Variants in CAMTA1 observed in about 807,000 individuals in gnomAD.
CAMTA1 encodes the protein calmodulin-binding transcription activator 1.
A neutral mutation model predicts 170.9 loss-of-function variants in CAMTA1; 27 were observed. The observed-to-expected ratio is 0.16, with a 90% CI of 0.12 to 0.22. The LOEUF is 0.22. Ranked by LOEUF, CAMTA1 falls within the 10% of genes least tolerant of loss-of-function variation. The probability of loss-of-function intolerance (pLI) is 1.00; values close to 1 mark genes in which losing one functional copy is unlikely to be tolerated. For missense variants in CAMTA1, 1,619 were observed against 2,217.2 expected, an observed-to-expected ratio of 0.73 and a Z score of 5.42; for synonymous variants, 833 against 891.5, an observed-to-expected ratio of 0.93 and a Z score of 1.17.
At chr1:6,876,482 C>T (rs1403398895) in intron 3 of CAMTA1, among the ~76,000 whole-genome samples, 1 of 152,032 alleles carries the variant, frequency 6.6e-6, no homozygotes, top group Admixed American at 6.5e-5. Flanking sequence ...CCTGCCTCAG[C>T]CTCCAAAGTA....
intron 5 of CAMTA1, among the ~76,000 whole-genome samples, chr1:7,310,671 C>CCTTTCTTT (rs1553129503): frequency 6.0e-5 from 2 of 33,324 alleles, no homozygotes; most frequent in Non-Finnish European, 1.0e-4. Context: ...TTCTTTCTTT[C>CCTTTCTTT]CTTTCTTTCT....
intron 4 of CAMTA1, among the ~76,000 whole-genome samples, chr1:7,202,478 T>A (rs1289142972): frequency 6.6e-6 from 1 of 152,152 alleles, no homozygotes; most frequent in African/African-American, 2.4e-5. Context: ...GTTTGGAGAG[T>A]ACTGATATCT....
chr1:7,004,540 CTGTT>C (rs1402868005), intron 3 of CAMTA1, among the ~76,000 whole-genome samples: 1 of 152,020 alleles, frequency 6.6e-6, no homozygotes, highest in Non-Finnish European at 1.5e-5. Flanking sequence ...AATTTCAAGT[CTGTT>C]TGTTGTGAAA....
chr1:7,076,765 T>A (rs1223026291), intron 3 of CAMTA1, among the ~76,000 whole-genome samples: 1 of 152,166 alleles, frequency 6.6e-6, no homozygotes, highest in Non-Finnish European at 1.5e-5. Flanking sequence ...TTCTGAGTCA[T>A]GTGTCAGCTA....
At chr1:7,584,832 T>G (rs530745385) in intron 6 of CAMTA1, among the ~76,000 whole-genome samples, 3 of 152,144 alleles carry the variant, frequency 2.0e-5, no homozygotes, top group African/African-American at 7.2e-5. Flanking sequence ...TAGTGGCATC[T>G]GGTGGGTGGA....
At chr1:7,611,240 A>C (rs2095521952) in intron 6 of CAMTA1, among the ~76,000 whole-genome samples, 1 of 152,096 alleles carries the variant, frequency 6.6e-6, no homozygotes, top group South Asian at 2.1e-4. Flanking sequence ...GTCTGTGTTT[A>C]TTTATCACGT....
At chr1:6,870,428 A>T (rs1438277672) in intron 3 of CAMTA1, among the ~76,000 whole-genome samples, 1 of 152,200 alleles carries the variant, frequency 6.6e-6, no homozygotes, top group Non-Finnish European at 1.5e-5. Flanking sequence ...TCTGCAAGTT[A>T]TTTTAACAAA....
intron 4 of CAMTA1, among the ~76,000 whole-genome samples, chr1:7,145,388 G>GTTC (rs1002012678): frequency 5.3e-5 from 8 of 152,360 alleles, no homozygotes; most frequent in African/African-American, 1.9e-4. Context: ...TCAATGTGAG[G>GTTC]TTCTATCTTT....
chr1:7,246,194 G>C (rs1228994974), intron 4 of CAMTA1, among the ~76,000 whole-genome samples: 1 of 152,190 alleles, frequency 6.6e-6, no homozygotes, highest in Non-Finnish European at 1.5e-5. Flanking sequence ...CCAACTCAGC[G>C]TGTATCCTGC....
At chr1:6,870,709 G>A (rs1388430032) in intron 3 of CAMTA1, among the ~76,000 whole-genome samples, 1 of 152,114 alleles carries the variant, frequency 6.6e-6, no homozygotes, top group African/African-American at 2.4e-5. Context: ...TCTTTTTCCT[G>A]GTTATGCTCC....
intron 3 of CAMTA1, among the ~76,000 whole-genome samples, chr1:7,068,978 G>T (rs1322162175): frequency 6.6e-6 from 1 of 152,214 alleles, no homozygotes; most frequent in Non-Finnish European, 1.5e-5. Flanking sequence ...AGAACCCAGG[G>T]ACGGTGGGAG....
chr1:7,114,452 AAC>A (rs1217531103), intron 4 of CAMTA1, among the ~76,000 whole-genome samples: 22 of 151,322 alleles, frequency 1.5e-4, no homozygotes, highest in African/African-American at 5.1e-4. Context: ...AGCCAGAAAA[AAC>A]AAAAAAAAGA....
intron 5 of CAMTA1, among the ~76,000 whole-genome samples, chr1:7,259,366 C>T (rs1388126093): frequency 3.3e-5 from 5 of 152,186 alleles, no homozygotes; most frequent in African/African-American, 1.2e-4. Flanking sequence ...AGTATTGCTT[C>T]TTGCTACCCT....
At chr1:7,337,679 G>T (rs1403110085) in intron 5 of CAMTA1, among the ~76,000 whole-genome samples, 2 of 147,710 alleles carry the variant, frequency 1.4e-5, no homozygotes, top group East Asian at 4.0e-4. Flanking sequence ...TCACAATGTG[G>T]GCGGTGGGCC....
At chr1:7,728,728 C>T (rs181947062) in intron 11 of CAMTA1, among the ~76,000 whole-genome samples, 1 of 152,330 alleles carries the variant, frequency 6.6e-6, no homozygotes, top group East Asian at 1.9e-4. Context: ...TGGAACTGAA[C>T]TCTAACTGAA....
chr1:6,938,735 C>T (rs1685892243), intron 3 of CAMTA1, among the ~76,000 whole-genome samples: 1 of 152,130 alleles, frequency 6.6e-6, no homozygotes, highest in Non-Finnish European at 1.5e-5. Flanking sequence ...TTTTTCTGGC[C>T]TTTCATGATC....
chr1:7,446,096 G>A (rs956708995), intron 5 of CAMTA1, among the ~76,000 whole-genome samples: 22 of 151,254 alleles, frequency 1.5e-4, no homozygotes, highest in African/African-American at 4.4e-4. Flanking sequence ...TCCGCCCGCC[G>A]CTCACCTTGC....
intron 3 of CAMTA1, among the ~76,000 whole-genome samples, chr1:7,026,852 T>A (rs1702090861): frequency 6.6e-6 from 1 of 152,160 alleles, no homozygotes. Flanking sequence ...ATGGTCTCGA[T>A]CCCCTGACCT....
chr1:7,142,659 C>G (rs1214570514), intron 4 of CAMTA1, among the ~76,000 whole-genome samples: 2 of 152,188 alleles, frequency 1.3e-5, no homozygotes, highest in Non-Finnish European at 2.9e-5. Flanking sequence ...TTTAAAAGAG[C>G]CTGGCACATT....
Sources: gnomAD v4.1 joint callset for allele counts (sites outside exome capture counted in the v4.1 genomes callset) on GRCh38, gnomAD v4.1.1 for gene constraint, MANE v1.5 for transcripts, NCBI Gene and HGNC (gene_info 2026-07-23, HGNC 2026-07-21) for gene names.